The following TMEM232 variants were observed in gnomAD, a reference collection of about 807,000 sequenced individuals.
TMEM232 encodes transmembrane protein 232.
A neutral mutation model predicts 78.8 loss-of-function variants in TMEM232; 80 were observed. That is an observed-to-expected ratio of 1.01 (90% CI 0.85 to 1.22). TMEM232 has a LOEUF of 1.22. TMEM232 is among the 50% of genes most tolerant of loss of function. The pLI is 0.00. For synonymous variants in TMEM232, 297 were observed against 254.3 expected (o/e 1.17, Z -1.60); for missense variants, 881 against 742.2 (o/e 1.19, Z -2.17).
intron 3 of TMEM232, among the ~76,000 whole-genome samples, chr5:110,395,867 C>T (rs147214964): frequency 5.5e-4 from 84 of 152,174 alleles, no homozygotes; most frequent in Admixed American, 2.6e-3. Flanking sequence ...CTTTCATTGT[C>T]CTGCTGACTC....
At chr5:110,686,646 C>A (rs188861858) in intron 1 of TMEM232, among the ~76,000 whole-genome samples, 234 of 152,122 alleles carry the variant, frequency 1.5e-3, no homozygotes, top group African/African-American at 5.5e-3. Context: ...TTGTACATTT[C>A]ACTATATGCA....
intron 12 of TMEM232, among the ~76,000 whole-genome samples, chr5:110,428,831 AAAG>A (rs1241510399): frequency 6.6e-6 from 1 of 151,776 alleles, no homozygotes; most frequent in African/African-American, 2.4e-5. Context: ...CTCTCTCTCC[AAAG>A]AAGGTCATAT....
chr5:110,620,587 C>T (rs1275072818), intron 7 of TMEM232, among the ~76,000 whole-genome samples: 1 of 32,446 alleles, frequency 3.1e-5, no homozygotes, highest in East Asian at 1.1e-3. Context: ...ATCTCTCTCT[C>T]TCTCTCTCTC....
chr5:110,514,608 G>T (rs1768323467), intron 12 of TMEM232, among the ~76,000 whole-genome samples: 1 of 151,444 alleles, frequency 6.6e-6, no homozygotes, highest in Admixed American at 6.6e-5. Flanking sequence ...AAATCAATCA[G>T]AAAAAAAACC....
chr5:110,504,842 C>T (rs1203107128), intron 12 of TMEM232, among the ~76,000 whole-genome samples: 1 of 152,218 alleles, frequency 6.6e-6, no homozygotes, highest in African/African-American at 2.4e-5. Context: ...CACAGACACA[C>T]CCATAGTAAT....
intron 1 of TMEM232, among the ~76,000 whole-genome samples, chr5:110,708,578 T>A (rs1402708178): frequency 1.4e-5 from 1 of 72,652 alleles, no homozygotes; most frequent in Non-Finnish European, 2.7e-5. Flanking sequence ...AAAAAACAGG[T>A]GGATGAAGTT....
intron 12 of TMEM232, among the ~76,000 whole-genome samples, chr5:110,457,259 G>A (rs1027644595): frequency 6.6e-6 from 1 of 152,016 alleles, no homozygotes; most frequent in Non-Finnish European, 1.5e-5. Context: ...CTGAGTACAA[G>A]AGAATTTGTT....
intron 2 of TMEM232, among the ~76,000 whole-genome samples, chr5:110,661,033 A>G (rs1008519837): frequency 6.6e-6 from 1 of 151,920 alleles, no homozygotes; most frequent in East Asian, 1.9e-4. Context: ...TCTACTCTCT[A>G]CCTTTATGAG....
intron 8 of TMEM232, among the ~76,000 whole-genome samples, chr5:110,607,847 A>T (rs1781704794): frequency 6.6e-6 from 1 of 151,946 alleles, no homozygotes; most frequent in South Asian, 2.1e-4. Context: ...CATATATTCC[A>T]TGATACCATA....
At chr5:110,608,651 GC>G (rs550256838) in intron 8 of TMEM232, among the ~76,000 whole-genome samples, 2 of 152,114 alleles carry the variant, frequency 1.3e-5, no homozygotes, top group South Asian at 4.1e-4. Flanking sequence ...TGCTTCACCA[GC>G]AACACACTAT....
At chr5:110,679,628 T>C (rs929150322) in intron 1 of TMEM232, among the ~76,000 whole-genome samples, 4 of 152,198 alleles carry the variant, frequency 2.6e-5, no homozygotes, top group Non-Finnish European at 4.4e-5. Flanking sequence ...TATCTGCATA[T>C]AGATTTTTAA....
chr5:110,638,242 A>T lies in TMEM232; in HGVS notation c.457T>A (p.Ser153Thr). 1 of 1,549,764 alleles carries T rather than the reference A, an allele frequency of 6.5e-7. No individual in the cohort carries two copies. The highest frequency in any genetic ancestry group is 8.7e-7 in the Non-Finnish European group (1 of 1,146,182). The change falls in exon 5 of 14, where the codon TCC (serine) becomes ACC (threonine). Residue 153 changes from serine (S) to threonine (T), a missense_variant. Ser to Thr is a moderately conservative substitution (Grantham distance 58). Coordinates refer to ENST00000455884, the MANE Select transcript of TMEM232 (RefSeq NM_001039763.4). ...ACTGAATATAAATATGTTTTGAGGG[A>T]TGCATCACAACACAGTCTGTATAAA... ...SVLYRLCCDASLKTYLYSVEI... is the reference protein window; with the variant it reads ...SVLYRLCCDATLKTYLYSVEI...
chr5:110,516,838 T>A (rs940103540), intron 12 of TMEM232, among the ~76,000 whole-genome samples: 1 of 151,638 alleles, frequency 6.6e-6, no homozygotes, highest in African/African-American at 2.4e-5. Flanking sequence ...CACAAGGAAA[T>A]TTTTTTTGGA....
chr5:110,607,556 G>A (rs1781671629), intron 8 of TMEM232, among the ~76,000 whole-genome samples: 1 of 151,978 alleles, frequency 6.6e-6, no homozygotes, highest in East Asian at 1.9e-4. Flanking sequence ...GATTACATGA[G>A]TGTATACATT....
At chr5:110,666,247 T>C (rs1790574999) in intron 2 of TMEM232, among the ~76,000 whole-genome samples, 1 of 152,134 alleles carries the variant, frequency 6.6e-6, no homozygotes, top group African/African-American at 2.4e-5. Flanking sequence ...AAGATTATAC[T>C]CCATTCTTGA....
intron 2 of TMEM232, among the ~76,000 whole-genome samples, chr5:110,401,407 G>C (rs1177263464): frequency 6.6e-6 from 1 of 151,844 alleles, no homozygotes; most frequent in African/African-American, 2.4e-5. Flanking sequence ...TATCAAGCCA[G>C]GTACGACATG....
intron 13 of TMEM232, 67 bp downstream of exon 13, chr5:110,424,756 T>C: frequency 7.9e-7 from 1 of 1,263,576 alleles, no homozygotes; most frequent in Non-Finnish European, 1.1e-6. Flanking sequence ...CAGAACTACA[T>C]TTTATCATTT....
intron 12 of TMEM232, among the ~76,000 whole-genome samples, chr5:110,446,260 C>T (rs962567544): frequency 6.6e-6 from 1 of 152,122 alleles, no homozygotes; most frequent in Non-Finnish European, 1.5e-5. Flanking sequence ...CTGAGTGTTC[C>T]ATATGAAGTC....
intron 12 of TMEM232, among the ~76,000 whole-genome samples, chr5:110,480,125 T>C (rs1425619170): frequency 6.6e-6 from 1 of 151,778 alleles, no homozygotes; most frequent in East Asian, 1.9e-4. Flanking sequence ...TTATATGCTA[T>C]AGGAATAAAA....
Sources: allele counts gnomAD v4.1 joint callset (sites outside exome capture counted in the v4.1 genomes callset), GRCh38; gene constraint gnomAD v4.1.1; transcripts MANE v1.5; gene names NCBI Gene and HGNC (gene_info 2026-07-23, HGNC 2026-07-21).